The following DLGAP2 variants were observed in gnomAD, a reference collection of about 807,000 sequenced individuals.
DLGAP2 encodes disks large-associated protein 2.
Under a neutral mutation model 100.3 loss-of-function variants are expected in DLGAP2, and 26 were observed. The ratio of observed to expected loss-of-function variants is 0.26; its 90% CI spans 0.19 to 0.36. DLGAP2 has a LOEUF of 0.36. Among genes scored for constraint, DLGAP2 ranks in the 10% least tolerant of loss-of-function variants. The pLI is 1.00. For missense variants in DLGAP2, 1,858 were observed against 1,453.2 expected, an observed-to-expected ratio of 1.28 and a Z score of -4.53; for synonymous variants, 886 against 630.1, an observed-to-expected ratio of 1.41 and a Z score of -6.08.
At chr8:1,533,840 C>T (rs1342444953) in intron 4 of DLGAP2, among the ~76,000 whole-genome samples, 1 of 152,054 alleles carries the variant, frequency 6.6e-6, no homozygotes, top group Non-Finnish European at 1.5e-5. Context: ...GCCTGTTGTC[C>T]CAGCTCCTCA....
intron 2 of DLGAP2, among the ~76,000 whole-genome samples, chr8:1,097,477 T>A (rs1386441287): frequency 1.3e-5 from 1 of 76,706 alleles, no homozygotes; most frequent in Admixed American, 1.5e-4. Context: ...GCTGGGAGCC[T>A]AGGGCAGGCC....
At chr8:1,617,786 A>G (rs114185063) in intron 6 of DLGAP2, among the ~76,000 whole-genome samples, 1 of 152,348 alleles carries the variant, frequency 6.6e-6, no homozygotes, top group Non-Finnish European at 1.5e-5. Flanking sequence ...AACGCTATGC[A>G]TTACAGCCAA....
chr8:974,074 G>T (rs1479746607), intron 2 of DLGAP2, among the ~76,000 whole-genome samples: 1 of 152,060 alleles, frequency 6.6e-6, no homozygotes, highest in African/African-American at 2.4e-5. Context: ...AGAAAGAGAA[G>T]AAAGAAAGAA....
At chr8:1,375,340 A>C (rs1286440538) in intron 3 of DLGAP2, among the ~76,000 whole-genome samples, 1 of 46,434 alleles carries the variant, frequency 2.2e-5, no homozygotes, top group Non-Finnish European at 3.9e-5. Flanking sequence ...ATTTGGGTTA[A>C]CGACACCTCT....
At chr8:1,039,860 G>GTGGTCGGCTCATTGTGCA in intron 2 of DLGAP2, among the ~76,000 whole-genome samples, 1 of 146,382 alleles carries the variant, frequency 6.8e-6, no homozygotes, top group Non-Finnish European at 1.5e-5. Context: ...CTCGGTGTGC[G>GTGGTCGGCTCATTGTGCA]TGGTCGGCTC....
intron 2 of DLGAP2, among the ~76,000 whole-genome samples, chr8:1,116,698 C>G (rs1205701715): frequency 1.3e-5 from 2 of 151,944 alleles, no homozygotes; most frequent in Admixed American, 1.3e-4. Context: ...TCAGGAGGCT[C>G]TCAGAGGTGG....
chr8:1,005,509 A>G (rs1446047384), intron 2 of DLGAP2, among the ~76,000 whole-genome samples: 1 of 150,974 alleles, frequency 6.6e-6, no homozygotes, highest in Non-Finnish European at 1.5e-5. Context: ...CCTGGCCTCA[A>G]GTGATTCTCT....
chr8:1,018,561 T>TGCCTGTGCTG (rs1322954047), intron 2 of DLGAP2, among the ~76,000 whole-genome samples: 1 of 152,238 alleles, frequency 6.6e-6, no homozygotes, highest in African/African-American at 2.4e-5. Context: ...CTCCTGGCTC[T>TGCCTGTGCTG]GCCTGTGCTG....
intron 2 of DLGAP2, among the ~76,000 whole-genome samples, chr8:1,181,620 A>G (rs1365265208): frequency 1.3e-5 from 2 of 152,106 alleles, no homozygotes; most frequent in African/African-American, 4.8e-5. Context: ...AATAATCTAT[A>G]CAATAAGCCC....
intron 9 of DLGAP2, 80 bp from the exon 10 acceptor site, chr8:1,669,663 C>T (rs1185374328): frequency 3.5e-5 from 27 of 777,264 alleles, no homozygotes; most frequent in South Asian, 3.2e-4. Flanking sequence ...GGCATGCGGG[C>T]GGAGAGAGCA....
chr8:1,590,601 C>T (rs1796261686), intron 6 of DLGAP2, among the ~76,000 whole-genome samples: 1 of 152,212 alleles, frequency 6.6e-6, no homozygotes, highest in Non-Finnish European at 1.5e-5. Flanking sequence ...AGAGCAGTAA[C>T]TTTAGCTGGC....
chr8:1,050,707 C>T (rs1027450758), intron 2 of DLGAP2, among the ~76,000 whole-genome samples: 4 of 152,186 alleles, frequency 2.6e-5, no homozygotes, highest in African/African-American at 4.8e-5. Flanking sequence ...TCATTACACA[C>T]GTAACACATT....
chr8:1,000,626 A>C (rs973997457), intron 2 of DLGAP2, among the ~76,000 whole-genome samples: 2 of 152,148 alleles, frequency 1.3e-5, no homozygotes, highest in African/African-American at 4.8e-5. Flanking sequence ...TTGTTATCCT[A>C]ATTGCTCTGT....
At chr8:1,158,196 G>T (rs1796826770) in intron 2 of DLGAP2, among the ~76,000 whole-genome samples, 1 of 152,180 alleles carries the variant, frequency 6.6e-6, no homozygotes, top group Non-Finnish European at 1.5e-5. Context: ...TTGCCAGTTT[G>T]AATAAGCTAT....
At chr8:1,057,592 A>G (rs2129034306) in intron 2 of DLGAP2, among the ~76,000 whole-genome samples, 1 of 152,350 alleles carries the variant, frequency 6.6e-6, no homozygotes, top group Non-Finnish European at 1.5e-5. Flanking sequence ...GAAGATTAGA[A>G]ACCTCTATTC....
At chr8:965,360 T>C (rs369135355) in intron 2 of DLGAP2, among the ~76,000 whole-genome samples, 762 of 39,896 alleles carry the variant, frequency 0.019, 35 homozygotes, top group Admixed American at 0.038. Context: ...GGCTCCTGAG[T>C]CTGACCCCTG....
At chr8:1,690,410 T>G (rs1227754358) in intron 12 of DLGAP2, among the ~76,000 whole-genome samples, 1 of 149,470 alleles carries the variant, frequency 6.7e-6, no homozygotes, top group East Asian at 2.0e-4. Flanking sequence ...TATATTCTTT[T>G]AAAAAACTTT....
chr8:861,892 A>C (rs1389690507), intron 1 of DLGAP2, among the ~76,000 whole-genome samples: 2 of 152,202 alleles, frequency 1.3e-5, no homozygotes, highest in African/African-American at 4.8e-5. Context: ...TCCATTAGGT[A>C]ATATTGTAGG....
At chr8:990,359 GCCCGGACCCCC>G (rs1800631977) in intron 2 of DLGAP2, among the ~76,000 whole-genome samples, 1 of 116,576 alleles carries the variant, frequency 8.6e-6, no homozygotes, top group African/African-American at 3.3e-5. Context: ...CTCCCTCCTT[GCCCGGACCCCC>G]TGCACCCCCA....
Sources: gnomAD v4.1 joint callset for allele counts (sites outside exome capture counted in the v4.1 genomes callset) on GRCh38, gnomAD v4.1.1 for gene constraint, MANE v1.5 for transcripts, NCBI Gene and HGNC (gene_info 2026-07-23, HGNC 2026-07-21) for gene names.